OR5D3: variants seen among roughly 807,000 people sequenced by gnomAD.
OR5D3 encodes olfactory receptor family 5 subfamily D member 3, also known as olfactory receptor 5D3.
the OR5D3 span, among the ~76,000 whole-genome samples, chr11:55,724,592 G>A: frequency 6.6e-6 from 1 of 152,090 alleles, no homozygotes; most frequent in Non-Finnish European, 1.5e-5. Context: ...TGAGAAAAAT[G>A]TGTTAGTGGT....
At chr11:55,729,475 C>G in the OR5D3 span, 1 of 151,850 alleles carries the variant, frequency 6.6e-6, no homozygotes, top group Non-Finnish European at 1.5e-5. Flanking sequence ...GGATTAACAA[C>G]TATAAAAATT....
chr11:55,726,447 A>G, the OR5D3 span: 2 of 468,044 alleles, frequency 4.3e-6, no homozygotes, highest in African/African-American at 4.0e-5. Context: ...CCACAATTAC[A>G]CCAAAACTGC....
the OR5D3 span, chr11:55,726,355 G>A: frequency 2.8e-5 from 13 of 466,536 alleles, no homozygotes; most frequent in Non-Finnish European, 4.7e-5. Context: ...CATGATCATG[G>A]TCATCAGGAT....
At chr11:55,724,076 A>T in the OR5D3 span, 35 of 397,686 alleles carry the variant, frequency 8.8e-5, no homozygotes, top group South Asian at 1.7e-3. Context: ...TAGTTTTTTT[A>T]AAATTTTATT....
the OR5D3 span, among the ~76,000 whole-genome samples, chr11:55,725,860 T>C: frequency 3.9e-5 from 6 of 152,218 alleles, no homozygotes; most frequent in East Asian, 1.2e-3. Flanking sequence ...TAGAAAAGTA[T>C]ATATTTCCTC....
At chr11:55,727,207 C>A in the OR5D3 span, 2 of 397,494 alleles carry the variant, frequency 5.0e-6, no homozygotes, top group South Asian at 1.4e-4. Flanking sequence ...TGCAGTTGTT[C>A]AATAACTAGT....
At chr11:55,727,201 G>A in the OR5D3 span, 2 of 397,722 alleles carry the variant, frequency 5.0e-6, no homozygotes, top group African/African-American at 2.1e-5. Context: ...CAGCACTGCA[G>A]TTGTTCAATA....
chr11:55,724,329 T>G, the OR5D3 span, among the ~76,000 whole-genome samples: 10 of 152,158 alleles, frequency 6.6e-5, no homozygotes, highest in African/African-American at 2.2e-4. Context: ...GGCCTTATCT[T>G]TAAACTTTCT....
At chr11:55,728,811 C>T in the OR5D3 span, 13 of 152,110 alleles carry the variant, frequency 8.5e-5, no homozygotes, top group East Asian at 2.5e-3. Context: ...AGAGGATTTA[C>T]TTTAATTTTT....
the OR5D3 span, chr11:55,723,924 C>T: frequency 5.8e-5 from 23 of 395,278 alleles, no homozygotes; most frequent in Middle Eastern, 6.3e-4. Flanking sequence ...GAAATATACT[C>T]TCGACACTCC....
At chr11:55,725,243 T>TTATATCATGAA in the OR5D3 span, among the ~76,000 whole-genome samples, 16 of 152,078 alleles carry the variant, frequency 1.1e-4, no homozygotes, top group South Asian at 3.1e-3. Flanking sequence ...GATTTAAATT[T>TTATATCATGAA]TATATCATGA....
chr11:55,727,287 TA>T, the OR5D3 span: 1 of 393,732 alleles, frequency 2.5e-6, no homozygotes, highest in Admixed American at 4.4e-5. Context: ...TTTAGTAAAA[TA>T]ACTTTAAAGT....
the OR5D3 span, chr11:55,726,238 G>A: frequency 1.2e-5 from 5 of 400,770 alleles, no homozygotes; most frequent in Admixed American, 4.4e-5. Context: ...TCAGACTGCT[G>A]GAGTCACCTT....
chr11:55,725,086 G>A, the OR5D3 span, among the ~76,000 whole-genome samples: 5 of 151,890 alleles, frequency 3.3e-5, no homozygotes, highest in Non-Finnish European at 5.9e-5. Context: ...GTCCCATATA[G>A]GCCTCATTTC....
chr11:55,724,016 C>G, the OR5D3 span: 1 of 397,966 alleles, frequency 2.5e-6, no homozygotes, highest in Non-Finnish European at 4.4e-6. Context: ...AGCAAAAGAT[C>G]CTTCAGTAAA....
the OR5D3 span, among the ~76,000 whole-genome samples, chr11:55,725,835 G>A: frequency 6.6e-6 from 1 of 152,138 alleles, no homozygotes; most frequent in East Asian, 1.9e-4. Context: ...TAGAGGTACA[G>A]CAGGAATGAA....
the OR5D3 span, chr11:55,727,261 T>C: frequency 1.3e-5 from 5 of 396,428 alleles, no homozygotes; most frequent in East Asian, 1.8e-4. Flanking sequence ...CAGTACAATA[T>C]CTATTCACAC....
At chr11:55,726,294 G>A in the OR5D3 span, 1 of 424,042 alleles carries the variant, frequency 2.4e-6, no homozygotes, top group Non-Finnish European at 4.2e-6. Context: ...AGATACCCCT[G>A]TTCCTGGTCT....
the OR5D3 span, chr11:55,726,263 T>C: frequency 1.2e-5 from 5 of 405,610 alleles, no homozygotes; most frequent in African/African-American, 6.2e-5. Flanking sequence ...CTCTTGGGCT[T>C]CTCAGAATTT....
Sources: allele counts gnomAD v4.1 joint callset (sites outside exome capture counted in the v4.1 genomes callset), GRCh38; gene constraint gnomAD v4.1.1; transcripts MANE v1.5; gene names NCBI Gene and HGNC (gene_info 2026-07-23, HGNC 2026-07-21).